CAMK4: variants seen among roughly 807,000 people sequenced by gnomAD.
The protein encoded by CAMK4 is calcium/calmodulin-dependent protein kinase type IV.
Under a neutral mutation model 44.9 loss-of-function variants are expected in CAMK4, and 22 were observed. The ratio of observed to expected loss-of-function variants is 0.49; its 90% confidence interval spans 0.35 to 0.70. CAMK4 has a LOEUF of 0.70. CAMK4 is among the 30% of genes least tolerant of loss of function. The pLI, the probability that CAMK4 is intolerant of heterozygous loss-of-function variation, is 0.01. For synonymous variants in CAMK4, 218 were observed against 215.4 expected, an observed-to-expected ratio of 1.01 and a Z score of -0.11; for missense variants, 498 against 586.8, an observed-to-expected ratio of 0.85 and a Z score of 1.56.
chr5:111,478,139 A>T (rs1243325193), intron 8 of CAMK4, among the ~76,000 whole-genome samples: 1 of 151,518 alleles, frequency 6.6e-6, no homozygotes, highest in African/African-American at 2.4e-5. Context: ...TATAATTATT[A>T]TTATAGCTTT....
intron 8 of CAMK4, 34 bp from the exon 9 acceptor site, chr5:111,478,347 A>T: frequency 7.3e-7 from 1 of 1,378,184 alleles, no homozygotes; most frequent in Non-Finnish European, 1.0e-6. Flanking sequence ...TGAGCTTTTA[A>T]AGACATTTTA....
intron 1 of CAMK4, among the ~76,000 whole-genome samples, chr5:111,335,904 CTT>C (rs1274364145): frequency 6.6e-6 from 1 of 151,274 alleles, no homozygotes; most frequent in Non-Finnish European, 1.5e-5. Context: ...ACAACTCTCT[CTT>C]TTTGTGTAAT....
intron 5 of CAMK4, among the ~76,000 whole-genome samples, chr5:111,407,323 C>A (rs567653141): frequency 9.5e-4 from 143 of 150,076 alleles, no homozygotes; most frequent in African/African-American, 3.4e-3. Flanking sequence ...TGCACTCTAG[C>A]CTGGGTGACA....
intron 7 of CAMK4, among the ~76,000 whole-genome samples, chr5:111,469,120 G>A (rs1187209429): frequency 8.5e-6 from 1 of 117,292 alleles, no homozygotes; most frequent in Non-Finnish European, 1.6e-5. Flanking sequence ...CTCTAGTCTG[G>A]GCAACAAGAG....
chr5:111,228,577 G>A (rs1163150932), intron 1 of CAMK4, among the ~76,000 whole-genome samples: 2 of 150,004 alleles, frequency 1.3e-5, no homozygotes, highest in Admixed American at 6.7e-5. Context: ...ATAAAACAGT[G>A]TTTATTCTTA....
chr5:111,324,961 C>T (rs555782974), intron 1 of CAMK4, among the ~76,000 whole-genome samples: 155 of 151,932 alleles, frequency 1.0e-3, no homozygotes, highest in African/African-American at 3.3e-3. Context: ...TTTTAAGCCC[C>T]GCGTGCATTA....
At chr5:111,336,296 T>A (rs187775308) in intron 1 of CAMK4, among the ~76,000 whole-genome samples, 1 of 151,366 alleles carries the variant, frequency 6.6e-6, no homozygotes, top group Non-Finnish European at 1.5e-5. Flanking sequence ...CTCTCTTTAT[T>A]CCATTTTGAA....
rs1748100689 is a variant in CAMK4, at chr5:111,224,783, G to A, written c.161+139G>A. On this transcript the variant is annotated intron_variant, in intron 1 of 10. Transcript: ENST00000282356. This position sits in a 1 kb window ranked among gnomAD's most constrained non-coding sequence, Gnocchi z 5.7. ...TACCTAGTTAGTGTCTTGAGAGAGA[G>A]CTAACCTTCATTCAGGTGCGGCTCG... 3.6e-6 allele frequency: 3 copies of A among 840,440 alleles called. No individual in the cohort carries two copies. Among genetic ancestry groups the A allele is most frequent in the Non-Finnish European group, 5.4e-6 (3 of 560,166 alleles). The allele number at this position is 840,440 out of a possible 1,614,324, so 52.1% of individuals were successfully genotyped here.
intron 1 of CAMK4, among the ~76,000 whole-genome samples, chr5:111,329,531 ATAT>A (rs1749063216): frequency 2.0e-5 from 3 of 152,010 alleles, no homozygotes; most frequent in Admixed American, 1.3e-4. Flanking sequence ...AGAGAAAATA[ATAT>A]TATAGATTTG....
At chr5:111,435,427 T>C (rs1753611628) in intron 5 of CAMK4, among the ~76,000 whole-genome samples, 1 of 152,170 alleles carries the variant, frequency 6.6e-6, no homozygotes, top group South Asian at 2.1e-4. Context: ...CAGCCATCTT[T>C]CATAATGATA....
chr5:111,289,583 A>G (rs1269629743), intron 1 of CAMK4, among the ~76,000 whole-genome samples: 3 of 152,260 alleles, frequency 2.0e-5, no homozygotes, highest in Admixed American at 6.5e-5. Context: ...GATATTCACT[A>G]TAAATTTGCC....
chr5:111,371,233 A>G (rs961372991), intron 2 of CAMK4, among the ~76,000 whole-genome samples: 2 of 151,548 alleles, frequency 1.3e-5, no homozygotes, highest in Non-Finnish European at 2.9e-5. Flanking sequence ...CACTACTTCC[A>G]TGTACCTGGT....
At chr5:111,461,154 C>T (rs976347030) in intron 7 of CAMK4, among the ~76,000 whole-genome samples, 1 of 152,068 alleles carries the variant, frequency 6.6e-6, no homozygotes, top group Non-Finnish European at 1.5e-5. Flanking sequence ...TTTCAAAACA[C>T]CTAACTTTTT....
At chr5:111,448,147 G>C (rs1175107662) in intron 6 of CAMK4, among the ~76,000 whole-genome samples, 1 of 152,180 alleles carries the variant, frequency 6.6e-6, no homozygotes, top group Non-Finnish European at 1.5e-5. Flanking sequence ...CTGAGTGCAA[G>C]CGATATAGCT....
At chr5:111,341,713 T>C (rs950842417) in intron 1 of CAMK4, among the ~76,000 whole-genome samples, 3 of 151,318 alleles carry the variant, frequency 2.0e-5, no homozygotes, top group Non-Finnish European at 3.0e-5. Flanking sequence ...ATGCTTTAAA[T>C]AGATTAACAC....
intron 5 of CAMK4, among the ~76,000 whole-genome samples, chr5:111,399,206 C>T (rs1043783299): frequency 6.6e-6 from 1 of 152,120 alleles, no homozygotes; most frequent in Non-Finnish European, 1.5e-5. Flanking sequence ...GTTTTCCGAC[C>T]CTTAGAAAGG....
intron 1 of CAMK4, among the ~76,000 whole-genome samples, chr5:111,314,050 G>C (rs1426477397): frequency 6.6e-6 from 1 of 151,918 alleles, no homozygotes; most frequent in East Asian, 1.9e-4. Flanking sequence ...TTGTTTTTCT[G>C]TAGAAGCCAC....
At chr5:111,415,562 G>A (rs1561473256) in intron 5 of CAMK4, among the ~76,000 whole-genome samples, 2 of 152,182 alleles carry the variant, frequency 1.3e-5, no homozygotes, top group African/African-American at 4.8e-5. Flanking sequence ...TTATAGATGG[G>A]AAAAGAAATT....
chr5:111,448,844 T>A (rs532457184), intron 6 of CAMK4, among the ~76,000 whole-genome samples: 6 of 152,016 alleles, frequency 3.9e-5, no homozygotes, highest in Non-Finnish European at 8.8e-5. Flanking sequence ...AAGAAAAAAA[T>A]TGCTTATTTG....
Sources: allele counts gnomAD v4.1 joint callset (sites outside exome capture counted in the v4.1 genomes callset), GRCh38; gene constraint gnomAD v4.1.1; non-coding constraint Gnocchi (gnomAD v3.1); transcripts MANE v1.5; gene names NCBI Gene and HGNC (gene_info 2026-07-23, HGNC 2026-07-21).